The following SDK1 variants were observed in gnomAD, a reference collection of about 807,000 sequenced individuals.
SDK1 encodes sidekick cell adhesion molecule 1.
SDK1 carries 157 observed loss-of-function variants against 245.5 expected under a neutral mutation model. The ratio of observed to expected loss-of-function variants is 0.64; its 90% CI spans 0.56 to 0.73. The LOEUF (loss-of-function observed/expected upper bound fraction) is 0.73. SDK1 is among the 30% of genes least tolerant of loss of function. The pLI, the probability that SDK1 is intolerant of heterozygous loss-of-function variation, is 0.00. For missense variants in SDK1, 3,583 were observed against 3,002.3 expected (o/e 1.19, Z -4.52); for synonymous variants, 1,647 against 1,278.5 (o/e 1.29, Z -6.15).
At chr7:3,981,109 C>T (rs911934064) in intron 13 of SDK1, among the ~76,000 whole-genome samples, 4 of 152,170 alleles carry the variant, frequency 2.6e-5, no homozygotes, top group Non-Finnish European at 4.4e-5. Context: ...TCCAACGGCA[C>T]CTGCTCACTT....
chr7:3,573,633 C>G (rs1481386083), intron 1 of SDK1, among the ~76,000 whole-genome samples: 1 of 152,038 alleles, frequency 6.6e-6, no homozygotes, highest in African/African-American at 2.4e-5. Context: ...TATGAAAAAA[C>G]AATAATCAAA....
At position 3,380,452 on chromosome 7, in the gene SDK1, T is replaced by A. The variant is rs1026816695; in HGVS notation, c.298+78568T>A. On this transcript the variant is annotated intron_variant, in intron 1 of 44. Transcript: ENST00000404826. ...CTATCATTTTGAGCTACCTTGAGACTGAAGTGTCTGCAGAATAGCACTTAC... is the reference window on the plus strand; with the variant it reads ...CTATCATTTTGAGCTACCTTGAGACAGAAGTGTCTGCAGAATAGCACTTAC... 5.9e-5 allele frequency among the ~76,000 whole-genome samples: 9 copies of A among 152,346 alleles called. No homozygotes were observed. In the South Asian group the frequency reaches 1.9e-3, roughly 32 times the overall value.
Position 4,210,016 on chromosome 7 carries a change from T to A in SDK1, c.5402-9T>A. 1.3e-6 allele frequency: 2 copies of A among 1,564,200 alleles called. No homozygotes were observed. Among genetic ancestry groups the A allele is most frequent in the South Asian group, 1.2e-5 (1 of 82,898 alleles). On this transcript the variant is annotated splice_polypyrimidine_tract_variant and intron_variant, in intron 37 of 44. Transcript: ENST00000404826. ...CCTGTAAAAGTCACTTTGTGTTCTATTCTCCCAGCCCCTGGGGCCCCCAGC... is the reference window on the plus strand; with the variant it reads ...CCTGTAAAAGTCACTTTGTGTTCTAATCTCCCAGCCCCTGGGGCCCCCAGC...
At chr7:3,761,260 C>CTTTTTTTTTTT (rs71029692) in intron 4 of SDK1, among the ~76,000 whole-genome samples, 7 of 93,728 alleles carry the variant, frequency 7.5e-5, no homozygotes, top group Non-Finnish European at 1.0e-4. Context: ...GCCCCCCCTC[C>CTTTTTTTTTTT]TTTTTTTTTT....
At chr7:3,803,274 T>C (rs1779150897) in intron 4 of SDK1, among the ~76,000 whole-genome samples, 1 of 151,972 alleles carries the variant, frequency 6.6e-6, no homozygotes, top group Admixed American at 6.6e-5. Context: ...TGTTGTACTC[T>C]GCCCATTTTC....
chr7:4,184,773 G>A (rs73674220), intron 35 of SDK1, among the ~76,000 whole-genome samples: 1,783 of 152,320 alleles, frequency 0.012, 41 homozygotes, highest in African/African-American at 0.04. Flanking sequence ...ACAAGCTTAA[G>A]CTGAAAGAAT....
chr7:3,414,791 A>T (rs1371686862), intron 1 of SDK1, among the ~76,000 whole-genome samples: 1 of 152,144 alleles, frequency 6.6e-6, no homozygotes, highest in South Asian at 2.1e-4. Context: ...TACTTGCTGT[A>T]TTCTGGACAT....
rs534352452 is a variant in SDK1, at chr7:3,598,529, C to T, written c.299-20551C>T. Among the ~76,000 whole-genome samples, 6 of 152,318 alleles carry T rather than the reference C, an allele frequency of 3.9e-5. No homozygotes were observed. The East Asian group carries it at 7.7e-4, about 20-fold the overall frequency. ...GTATAATACGGTATTACAGCCAGGA[C>T]ACCAGCATCAGGGCAGTCAAGACCA... On this transcript the variant is annotated intron_variant, in intron 1 of 44. Coordinates refer to ENST00000404826, the MANE Select transcript of SDK1 (RefSeq NM_152744.4).
intron 1 of SDK1, among the ~76,000 whole-genome samples, chr7:3,584,997 T>G (rs1354174972): frequency 6.6e-6 from 1 of 152,166 alleles, no homozygotes; most frequent in African/African-American, 2.4e-5. Context: ...GTGCTGGGAT[T>G]ACAGACGTGA....
At chr7:3,349,978 C>G (rs557050374) in intron 1 of SDK1, among the ~76,000 whole-genome samples, 2 of 152,278 alleles carry the variant, frequency 1.3e-5, no homozygotes, top group South Asian at 4.1e-4. Flanking sequence ...GTGCTGGACT[C>G]TTGATGAAGT....
chr7:3,978,709 G>A (rs1454206252), intron 13 of SDK1, among the ~76,000 whole-genome samples: 1 of 151,990 alleles, frequency 6.6e-6, no homozygotes, highest in Non-Finnish European at 1.5e-5. Context: ...CTTTCAAACT[G>A]AGCTCTGTAG....
chr7:4,158,505 C>T lies in SDK1; in HGVS notation c.4683C>T (p.Asp1561=). Residue 1561 remains aspartate (D), a synonymous_variant, in exon 31 of 45, where the codon GAC becomes GAT. Coordinates refer to ENST00000404826, the MANE Select transcript of SDK1 (RefSeq NM_152744.4). ...TGAAAGCCACCAACGACATTGGGGA[C>T]AGTGACTTCAGTTCAGAGACAGAGG... ...LRLKATNDIG[D]SDFSSETEAV... 1.2e-6 allele frequency: 2 copies of T among 1,613,872 alleles called. No individual in the cohort carries two copies. Among genetic ancestry groups the T allele is most frequent in the Middle Eastern group, 1.7e-4 (1 of 6,060 alleles).
At chr7:4,246,750 C>T (rs1786889067) in intron 44 of SDK1, among the ~76,000 whole-genome samples, 1 of 152,138 alleles carries the variant, frequency 6.6e-6, no homozygotes, top group African/African-American at 2.4e-5. Context: ...AGGGAGATGG[C>T]TTCCCCGAGG....
At chr7:3,961,871 A>G (rs529949081) in intron 8 of SDK1, among the ~76,000 whole-genome samples, 2 of 152,308 alleles carry the variant, frequency 1.3e-5, no homozygotes, top group South Asian at 2.1e-4. Context: ...ACAGACACAC[A>G]TAGAAACACA....
At chr7:4,074,745 A>G (rs1562769965) in intron 20 of SDK1, among the ~76,000 whole-genome samples, 2 of 151,004 alleles carry the variant, frequency 1.3e-5, no homozygotes, top group Non-Finnish European at 3.0e-5. Flanking sequence ...TGCCTATAGT[A>G]CCAGCTACTT....
chr7:3,301,537 C>A lies in SDK1; in HGVS notation c.-50C>A, dbSNP rs1283096975. ...GCCCGCTCGGAGCCGTCCCGCCTGTCCTGCCCGCCCGTCCGTCCGGCGCGG... is the reference window on the plus strand; with the variant it reads ...GCCCGCTCGGAGCCGTCCCGCCTGTACTGCCCGCCCGTCCGTCCGGCGCGG... On this transcript the variant is annotated 5_prime_UTR_variant, in exon 1 of 45. Transcript: ENST00000404826. 1 of 692,728 alleles carries A rather than the reference C, an allele frequency of 1.4e-6. No individual in the cohort carries two copies. The highest frequency in any genetic ancestry group is 2.0e-5 in the African/African-American group (1 of 50,660). The allele number at this position is 692,728 out of a possible 1,614,324, so 42.9% of individuals were successfully genotyped here.
At chr7:3,468,855 G>T (rs1048441089) in intron 1 of SDK1, among the ~76,000 whole-genome samples, 5 of 152,134 alleles carry the variant, frequency 3.3e-5, no homozygotes, top group Non-Finnish European at 5.9e-5. Context: ...ATTGGGATGC[G>T]ATTTCTCCTA....
intron 4 of SDK1, among the ~76,000 whole-genome samples, chr7:3,700,240 G>C (rs1784703143): frequency 2.0e-5 from 3 of 152,290 alleles, no homozygotes; most frequent in South Asian, 2.1e-4. Flanking sequence ...TTTTTATTAA[G>C]ATGAGAGTTA....
chr7:4,157,343 A>AG (rs370682078), intron 30 of SDK1, among the ~76,000 whole-genome samples: 12 of 138,488 alleles, frequency 8.7e-5, no homozygotes, highest in Admixed American at 4.2e-4. Flanking sequence ...GAGAGAAGGG[A>AG]AGAAGGAAGG....
Sources: allele counts gnomAD v4.1 joint callset (sites outside exome capture counted in the v4.1 genomes callset), GRCh38; gene constraint gnomAD v4.1.1; transcripts MANE v1.5; gene names NCBI Gene and HGNC (gene_info 2026-07-23, HGNC 2026-07-21).